The following ADGRG3 variants were observed in gnomAD, a reference collection of about 807,000 sequenced individuals.
ADGRG3 encodes the protein adhesion G protein-coupled receptor G3, also known as G protein-coupled receptor 97.
A neutral mutation model predicts 54.3 loss-of-function variants in ADGRG3; 39 were observed. The observed-to-expected ratio is 0.72, with a 90% CI of 0.56 to 0.94. ADGRG3 has a LOEUF of 0.94. Ranked by LOEUF, ADGRG3 falls within the 40% of genes least tolerant of loss-of-function variation. The pLI, the probability that ADGRG3 is intolerant of heterozygous loss-of-function variation, is 0.00. For synonymous variants in ADGRG3, 312 were observed against 290.0 expected (o/e 1.08, Z -0.77); for missense variants, 654 against 694.6 (o/e 0.94, Z 0.66).
At chr16:57,677,629 T>C (rs1349633789) in intron 3 of ADGRG3, among the ~76,000 whole-genome samples, 1 of 152,196 alleles carries the variant, frequency 6.6e-6, no homozygotes, top group Non-Finnish European at 1.5e-5. Context: ...TATTTCAATA[T>C]TCTGACGATT....
At chr16:57,668,754 A>G (rs2048097927) in intron 1 of ADGRG3, among the ~76,000 whole-genome samples, 1 of 152,058 alleles carries the variant, frequency 6.6e-6, no homozygotes, top group Non-Finnish European at 1.5e-5. Flanking sequence ...CGGGCAGGCA[A>G]TTCTCCAGCT....
intron 11 of ADGRG3, 109 bp downstream of exon 11, chr16:57,686,035 C>T: frequency 8.7e-7 from 1 of 1,147,150 alleles, no homozygotes; most frequent in Non-Finnish European, 1.3e-6. Context: ...TTCAGGCTAG[C>T]TGAAGTCAAG....
intron 2 of ADGRG3, among the ~76,000 whole-genome samples, chr16:57,673,881 G>A (rs60467837): frequency 6.6e-6 from 1 of 152,158 alleles, no homozygotes; most frequent in African/African-American, 2.4e-5. Context: ...CAATGGTGAG[G>A]ATACAGGCAA....
rs754606663 is a variant in ADGRG3, at chr16:57,680,568, G to A, written c.832G>A (p.Val278Ile). ...LTRISQAGCGVSMIFLAFTII... is the reference protein window; with the variant it reads ...LTRISQAGCGISMIFLAFTII... ...ACGCATCTCCCAGGCGGGCTGTGGG[G>A]TCTCCATGATCTTCCTGGCCTTCAC... Residue 278 changes from valine to isoleucine, a missense_variant, in exon 8 of 12, where the codon GTC becomes ATC. Val to Ile is a conservative substitution (Grantham distance 29). Coordinates refer to ENST00000333493, the MANE Select transcript of ADGRG3 (RefSeq NM_170776.5). 1.4e-5 allele frequency: 23 copies of A among 1,613,840 alleles called. No individual in the cohort carries two copies. The highest frequency in any genetic ancestry group is 6.7e-5 in the East Asian group (3 of 44,844).
At chr16:57,685,285 G>A (rs1255868161) in intron 10 of ADGRG3, among the ~76,000 whole-genome samples, 2 of 152,196 alleles carry the variant, frequency 1.3e-5, no homozygotes, top group East Asian at 1.9e-4. Flanking sequence ...TCTAATTAGC[G>A]GTCAGTTACT....
rs551724117 is a variant in ADGRG3 at position 57,668,885 on chromosome 16, C to T, written c.58+480C>T. 5.4e-3 allele frequency among the ~76,000 whole-genome samples: 823 copies of T among 152,338 alleles called. 4 individuals are homozygous for T. Among genetic ancestry groups the T allele is most frequent in the Non-Finnish European group, 7.3e-3 (498 of 68,026 alleles). ...TGTCACCCCACACCGGCTCCCTCTC[C>T]CAGTCTCAGCCACAACCTCTTGGTC... On this transcript the variant is annotated intron_variant, in intron 1 of 11. Transcript: ENST00000333493.
intron 4 of ADGRG3, 159 bp downstream of exon 4, chr16:57,678,475 C>A: frequency 1.5e-6 from 1 of 652,398 alleles, no homozygotes. Flanking sequence ...TCTCAGACAC[C>A]TGTCACTAGA....
Position 57,685,868 on chromosome 16 carries a change from C to A in ADGRG3, c.1482C>A (p.Ile494=). 1 of 1,614,120 alleles carries A rather than the reference C, an allele frequency of 6.2e-7. No homozygotes were observed. The change falls in exon 11 of 12, where the codon ATC becomes ATA. Residue 494 remains isoleucine (I), a synonymous_variant. Transcript: ENST00000333493. ...TGGGTGTGACATGGGGGTTGGCCAT[C>A]TTCACCCCGTTGGGCCTCTCCACCG... The part of the protein sequence containing the change: ...SLVGVTWGLA[I]FTPLGLSTVY...
chr16:57,676,474 C>A, intron 3 of ADGRG3, 136 bp downstream of exon 3: 1 of 767,964 alleles, frequency 1.3e-6, no homozygotes. Flanking sequence ...GGCAGAGCTG[C>A]GTCTGTAAAA....
At chr16:57,678,882 T>G in intron 4 of ADGRG3, 2 of 466,402 alleles carry the variant, frequency 4.3e-6, no homozygotes, top group East Asian at 3.9e-5. Context: ...TCTTGGCTGA[T>G]CTTGGCCCCA....
chr16:57,677,456 C>T (rs61536494), intron 3 of ADGRG3, among the ~76,000 whole-genome samples: 2,764 of 152,252 alleles, frequency 0.018, 51 homozygotes, highest in East Asian at 0.09. Context: ...GTGGTGCATG[C>T]CTGTAATCCC....
intron 11 of ADGRG3, 55 bp from the exon 12 acceptor site, chr16:57,688,297 C>T: frequency 8.9e-7 from 1 of 1,128,480 alleles, no homozygotes; most frequent in Non-Finnish European, 1.4e-6. Flanking sequence ...GCCCAGGCTG[C>T]CCCACTCTCT....
At position 57,689,285 on chromosome 16, in the gene ADGRG3, A is replaced by G. The variant is rs1064328; in HGVS notation, c.*824A>G. The G allele has an allele frequency of 0.21, 33,065 of 155,564 alleles. 4,264 individuals are homozygous for G. The highest frequency in any genetic ancestry group is 0.34 in the African/African-American group (14,136 of 41,514). The allele number at this position is 155,564 out of a possible 1,614,324, so 9.6% of individuals were successfully genotyped here. On this transcript the variant is annotated 3_prime_UTR_variant, in exon 12 of 12. Coordinates refer to ENST00000333493, the MANE Select transcript of ADGRG3 (RefSeq NM_170776.5). Reference sequence around the variant, plus strand: ...CCACTAGGACCTGAGCTCCTAGAGAACAAGGACCTGGGTGGCCTCGCTTAC... The same window carrying G: ...CCACTAGGACCTGAGCTCCTAGAGAGCAAGGACCTGGGTGGCCTCGCTTAC...
At chr16:57,686,521 C>A (rs2048476856) in intron 11 of ADGRG3, among the ~76,000 whole-genome samples, 1 of 152,210 alleles carries the variant, frequency 6.6e-6, no homozygotes, top group African/African-American at 2.4e-5. Context: ...TATCAGCTGC[C>A]TTCATGGGAG....
At position 57,680,620 on chromosome 16, in the gene ADGRG3, G is replaced by A. The variant is rs1275408915; in HGVS notation, c.881+3G>A. ...ATTATTCTTTATGCCTTTCTGAGGT[G>A]AGTGATCCCCACCTCCCCACCATGT... On this transcript the variant is annotated splice_donor_region_variant and intron_variant, in intron 8 of 11. Transcript: ENST00000333493. 4 of 1,592,422 alleles carry A rather than the reference G, an allele frequency of 2.5e-6. No individual in the cohort carries two copies. The highest frequency in any genetic ancestry group is 3.3e-5 in the Admixed American group (2 of 59,958).
At chr16:57,670,126 C>T (rs967193658) in intron 1 of ADGRG3, among the ~76,000 whole-genome samples, 3 of 152,218 alleles carry the variant, frequency 2.0e-5, no homozygotes, top group African/African-American at 4.8e-5. Context: ...TGCCCTCCTC[C>T]TGCCCTCTGA....
chr16:57,676,460 A>G (rs1463898592), intron 3 of ADGRG3, 122 bp downstream of exon 3: 35 of 888,282 alleles, frequency 3.9e-5, no homozygotes, highest in Non-Finnish European at 6.0e-5. Flanking sequence ...CCCACGTCCC[A>G]ATTGGCAGAG....
intron 10 of ADGRG3, among the ~76,000 whole-genome samples, chr16:57,684,766 T>A (rs1019000373): frequency 6.6e-6 from 1 of 152,112 alleles, no homozygotes; most frequent in East Asian, 1.9e-4. Context: ...CGAGCCCACA[T>A]GGCACCTTGA....
intron 1 of ADGRG3, 72 bp downstream of exon 1, chr16:57,668,477 G>A (rs772363245): frequency 2.3e-4 from 311 of 1,363,326 alleles, no homozygotes; most frequent in Non-Finnish European, 3.0e-4. Context: ...GGGATCCAGG[G>A]ACAGACGCAG....
Sources: gnomAD v4.1 joint callset for allele counts (sites outside exome capture counted in the v4.1 genomes callset) on GRCh38, gnomAD v4.1.1 for gene constraint, MANE v1.5 for transcripts, NCBI Gene and HGNC (gene_info 2026-07-23, HGNC 2026-07-21) for gene names.